The following CREB3L1 variants were observed in gnomAD, a reference collection of about 807,000 sequenced individuals.
The protein encoded by CREB3L1 is cAMP responsive element binding protein 3 like 1.
Under a neutral mutation model 54.5 loss-of-function variants are expected in CREB3L1, and 33 were observed. That is an observed-to-expected ratio of 0.61 (90% CI 0.46 to 0.81). The LOEUF (loss-of-function observed/expected upper bound fraction) is 0.81. Among genes scored for constraint, CREB3L1 ranks in the 30% least tolerant of loss-of-function variants. The probability of loss-of-function intolerance (pLI) is 0.00; values close to 1 mark genes in which losing one functional copy is unlikely to be tolerated. For synonymous variants in CREB3L1, 284 were observed against 286.4 expected, an observed-to-expected ratio of 0.99 and a Z score of 0.08; for missense variants, 656 against 673.3, an observed-to-expected ratio of 0.97 and a Z score of 0.29.
chr11:46,290,316 AAGCATGTCTCT>A (rs1939111449), intron 1 of CREB3L1, among the ~76,000 whole-genome samples: 1 of 151,812 alleles, frequency 6.6e-6, no homozygotes. Flanking sequence ...CTATCAGACA[AAGCATGTCTCT>A]ATGAACCCCA....
chr11:46,297,118 C>G (rs571279044), intron 1 of CREB3L1, among the ~76,000 whole-genome samples: 1 of 152,368 alleles, frequency 6.6e-6, no homozygotes, highest in East Asian at 1.9e-4. Flanking sequence ...GGGCCCAACA[C>G]CAGGCCTTTG....
chr11:46,296,705 G>A (rs1471423915), intron 1 of CREB3L1, among the ~76,000 whole-genome samples: 3 of 152,142 alleles, frequency 2.0e-5, no homozygotes, highest in Admixed American at 1.3e-4. Flanking sequence ...GAAGAAGCCC[G>A]GCGCAAAGAG....
Position 46,278,135 on chromosome 11 carries a change from C to A in CREB3L1, c.24C>A (p.Phe8Leu). The A allele has an allele frequency of 6.4e-7, 1 of 1,563,380 alleles. No individual in the cohort carries two copies. MDAVLEP[F>L]PADRLFPGSS... The stretch of plus-strand genomic sequence containing the variant: ...CGATGGACGCCGTCTTGGAACCCTT[C>A]CCGGCCGACAGGCTGTTCCCCGGAT... Residue 8 changes from phenylalanine to leucine, a missense_variant, in exon 1 of 12, where the codon TTC becomes TTA. By Grantham distance (22) the Phe-to-Leu change is conservative (BLOSUM62 0). Around this residue, in one of 3 missense-constraint regions of CREB3L1, gnomAD observed 339 missense variants for 331.5 expected, o/e 1.02. Transcript: ENST00000621158. This position sits in a 1 kb window ranked among gnomAD's most constrained non-coding sequence, Gnocchi z 4.2.
intron 8 of CREB3L1, among the ~76,000 whole-genome samples, chr11:46,314,035 G>A (rs527804018): frequency 1.3e-5 from 2 of 152,194 alleles, no homozygotes; most frequent in African/African-American, 4.8e-5. Flanking sequence ...CCAAGAGTTC[G>A]AGACCAGCCT....
chr11:46,310,459 G>A (rs1939467528), intron 4 of CREB3L1, among the ~76,000 whole-genome samples: 1 of 152,084 alleles, frequency 6.6e-6, no homozygotes, highest in East Asian at 1.9e-4. Flanking sequence ...AGTAGAGACG[G>A]GGTTTGGCCA....
chr11:46,300,958 TTG>T (rs1939290100), intron 2 of CREB3L1, among the ~76,000 whole-genome samples: 1 of 143,858 alleles, frequency 7.0e-6, no homozygotes, highest in African/African-American at 2.6e-5. Flanking sequence ...TGAGCCAAGA[TTG>T]CGCCACTGCA....
intron 2 of CREB3L1, 62 bp from the exon 3 acceptor site, chr11:46,307,754 G>A: frequency 7.2e-7 from 1 of 1,394,524 alleles, no homozygotes; most frequent in South Asian, 1.5e-5. Context: ...TAGCTCCCAG[G>A]GGGCAGGCAG....
chr11:46,316,483 T>C, intron 9 of CREB3L1, 98 bp downstream of exon 9: 1 of 789,348 alleles, frequency 1.3e-6, no homozygotes, highest in Non-Finnish European at 2.1e-6. Context: ...ATCGGTAACA[T>C]CGTGGGCAGC....
intron 9 of CREB3L1, among the ~76,000 whole-genome samples, chr11:46,317,054 C>T (rs1939577002): frequency 6.6e-6 from 1 of 152,168 alleles, no homozygotes; most frequent in Non-Finnish European, 1.5e-5. Flanking sequence ...CCCACCTGCA[C>T]CTATTCCTTC....
intron 1 of CREB3L1, among the ~76,000 whole-genome samples, chr11:46,288,021 G>A (rs1008871274): frequency 3.3e-5 from 5 of 150,642 alleles, no homozygotes; most frequent in African/African-American, 7.3e-5. Context: ...CCATCCCCTC[G>A]GGCATTTATC....
chr11:46,302,879 G>A (rs1023172196), intron 2 of CREB3L1, among the ~76,000 whole-genome samples: 1 of 152,200 alleles, frequency 6.6e-6, no homozygotes, highest in African/African-American at 2.4e-5. Flanking sequence ...TACTCAGGAG[G>A]CTGAGGCAGG....
At chr11:46,293,830 T>C (rs1249530293) in intron 1 of CREB3L1, among the ~76,000 whole-genome samples, 1 of 152,196 alleles carries the variant, frequency 6.6e-6, no homozygotes, top group African/African-American at 2.4e-5. Context: ...CGTGACCATG[T>C]CTGTGTGATC....
At chr11:46,307,252 T>TTG (rs112018914) in intron 2 of CREB3L1, among the ~76,000 whole-genome samples, 1 of 151,924 alleles carries the variant, frequency 6.6e-6, no homozygotes, top group African/African-American at 2.4e-5. Context: ...CTAGCTAATT[T>TTG]TGTGTGTGTG....
intron 2 of CREB3L1, among the ~76,000 whole-genome samples, chr11:46,305,608 A>ATG (rs199723942): frequency 0.018 from 2,701 of 146,472 alleles, 38 homozygotes; most frequent in Non-Finnish European, 0.027. Flanking sequence ...ACACATATAT[A>ATG]TGTGTGTGTG....
intron 3 of CREB3L1, among the ~76,000 whole-genome samples, chr11:46,308,477 A>G (rs1265303977): frequency 6.6e-6 from 1 of 152,244 alleles, no homozygotes; most frequent in Non-Finnish European, 1.5e-5. Context: ...TCCTCCACCA[A>G]TGTGTAGATG....
At chr11:46,309,732 C>G (rs1314140875) in intron 3 of CREB3L1, among the ~76,000 whole-genome samples, 2 of 152,262 alleles carry the variant, frequency 1.3e-5, no homozygotes, top group African/African-American at 4.8e-5. Context: ...TGGCCCCACA[C>G]TCAGAGGCTC....
chr11:46,314,383 A>G, intron 8 of CREB3L1, among the ~76,000 whole-genome samples: 1 of 151,930 alleles, frequency 6.6e-6, no homozygotes, highest in East Asian at 1.9e-4. Flanking sequence ...TTCTTTCATT[A>G]TTTTTATTTA....
At chr11:46,289,079 G>A (rs1939097939) in intron 1 of CREB3L1, among the ~76,000 whole-genome samples, 1 of 152,114 alleles carries the variant, frequency 6.6e-6, no homozygotes. Flanking sequence ...TCTGCAGAGG[G>A]TTCAAGGATG....
chr11:46,294,385 G>A (rs965565846), intron 1 of CREB3L1, among the ~76,000 whole-genome samples: 3 of 152,114 alleles, frequency 2.0e-5, no homozygotes, highest in African/African-American at 7.2e-5. Context: ...CAAAAGGCCA[G>A]GGCAGAGGAA....
Sources: allele counts gnomAD v4.1 joint callset (sites outside exome capture counted in the v4.1 genomes callset), GRCh38; gene constraint gnomAD v4.1.1; regional missense constraint gnomAD v4.1.1; non-coding constraint Gnocchi (gnomAD v3.1); transcripts MANE v1.5; gene names NCBI Gene and HGNC (gene_info 2026-07-23, HGNC 2026-07-21).